ULK4: variants seen among roughly 807,000 people sequenced by gnomAD.
The protein encoded by ULK4 is unc-51 like kinase 4, also known as inactive serine/threonine-protein kinase ULK4.
A neutral mutation model predicts 160.6 loss-of-function variants in ULK4; 133 were observed. That is an observed-to-expected ratio of 0.83 (90% CI 0.72 to 0.96). The LOEUF (loss-of-function observed/expected upper bound fraction) is 0.96. ULK4 is among the 40% of genes least tolerant of loss of function. The pLI is 0.00. For missense variants in ULK4, 1,580 were observed against 1,499.5 expected (o/e 1.05, Z -0.89); for synonymous variants, 534 against 539.8 (o/e 0.99, Z 0.15).
Position 41,791,793 on chromosome 3 carries a change from A to C in ULK4, c.2011-1950T>G, listed in dbSNP as rs926625093. On this transcript the variant is annotated intron_variant, in intron 20 of 36. Coordinates refer to ENST00000301831, the MANE Select transcript of ULK4 (RefSeq NM_017886.4). Reference sequence around the variant, plus strand: ...AAACAAGTAAATATATGCACTGAAAAAATGAGCATTTGTAGAGCACCAACT... The same window carrying C: ...AAACAAGTAAATATATGCACTGAAACAATGAGCATTTGTAGAGCACCAACT... Among the ~76,000 whole-genome samples, 4 of 152,174 alleles carry C rather than the reference A, an allele frequency of 2.6e-5. No individual in the cohort carries two copies. In the South Asian group the frequency reaches 8.3e-4, roughly 32 times the overall value.
chr3:41,455,473 A>G (rs572275895), intron 34 of ULK4, 24 bp downstream of exon 34: 1 of 1,602,254 alleles, frequency 6.2e-7, no homozygotes, highest in South Asian at 1.1e-5. Flanking sequence ...TAATGCCCCA[A>G]AAGACATACA....
intron 35 of ULK4, among the ~76,000 whole-genome samples, chr3:41,348,896 C>A (rs2080856697): frequency 6.6e-6 from 1 of 152,170 alleles, no homozygotes; most frequent in Admixed American, 6.6e-5. Flanking sequence ...ACTCAGAAAG[C>A]CCAGAGACTC....
At chr3:41,666,985 G>GA (rs958076582) in intron 29 of ULK4, among the ~76,000 whole-genome samples, 31 of 150,678 alleles carry the variant, frequency 2.1e-4, no homozygotes, top group East Asian at 3.9e-4. Context: ...TATAAAAAAA[G>GA]AAAAAAAAAT....
intron 32 of ULK4, among the ~76,000 whole-genome samples, chr3:41,541,073 C>T (rs1316236699): frequency 6.6e-6 from 1 of 152,122 alleles, no homozygotes; most frequent in Non-Finnish European, 1.5e-5. Context: ...GTTGCCATTG[C>T]TTTTGGTATT....
chr3:41,445,126 G>C (rs1448577437), intron 34 of ULK4, among the ~76,000 whole-genome samples: 1 of 152,152 alleles, frequency 6.6e-6, no homozygotes, highest in East Asian at 1.9e-4. Context: ...ATTCACAATT[G>C]CTTCAAAAAG....
chr3:41,276,935 T>C (rs1423694869), intron 35 of ULK4, among the ~76,000 whole-genome samples: 3 of 152,052 alleles, frequency 2.0e-5, no homozygotes, highest in Non-Finnish European at 4.4e-5. Flanking sequence ...ACAGGAGATA[T>C]TACAACTGAC....
intron 34 of ULK4, among the ~76,000 whole-genome samples, chr3:41,432,504 G>A (rs547253934): frequency 1.3e-5 from 2 of 152,166 alleles, no homozygotes; most frequent in African/African-American, 4.8e-5. Flanking sequence ...CTTTCCCACC[G>A]GGAAGCCACT....
intron 30 of ULK4, among the ~76,000 whole-genome samples, chr3:41,647,695 C>T (rs556702789): frequency 2.0e-4 from 31 of 152,360 alleles, no homozygotes; most frequent in Non-Finnish European, 3.7e-4. Context: ...TCTCCAGCTG[C>T]ATGCTGGAAG....
chr3:41,589,109 A>G (rs1267547477), intron 31 of ULK4, among the ~76,000 whole-genome samples: 2 of 115,770 alleles, frequency 1.7e-5, no homozygotes, highest in Non-Finnish European at 3.5e-5. Context: ...CTAGAAAATT[A>G]GACAAATATT....
At chr3:41,531,151 A>T (rs1046606258) in intron 32 of ULK4, among the ~76,000 whole-genome samples, 2 of 148,922 alleles carry the variant, frequency 1.3e-5, no homozygotes, top group Non-Finnish European at 3.0e-5. Flanking sequence ...AAAGAAATAA[A>T]TATGTTTTGG....
At chr3:41,278,544 G>C (rs748684033) in intron 35 of ULK4, among the ~76,000 whole-genome samples, 4 of 152,070 alleles carry the variant, frequency 2.6e-5, no homozygotes, top group Non-Finnish European at 4.4e-5. Flanking sequence ...CTCCCAGTAG[G>C]GGCCAACAGA....
At chr3:41,486,200 A>G (rs923837207) in intron 32 of ULK4, among the ~76,000 whole-genome samples, 2 of 152,206 alleles carry the variant, frequency 1.3e-5, no homozygotes, top group South Asian at 2.1e-4. Flanking sequence ...GGGCTAAAAA[A>G]TAATTGCAGT....
intron 34 of ULK4, among the ~76,000 whole-genome samples, chr3:41,433,374 G>A (rs1278811030): frequency 6.6e-6 from 1 of 152,196 alleles, no homozygotes; most frequent in South Asian, 2.1e-4. Context: ...ATCTTTTGAT[G>A]AGAATGAAAA....
In ULK4 at chr3:41,886,579, T is replaced by G. The variant is rs543708089; in HGVS notation, c.1578-2627A>C. On this transcript the variant is annotated intron_variant, in intron 16 of 36. Coordinates refer to ENST00000301831, the MANE Select transcript of ULK4 (RefSeq NM_017886.4). ...ACAGAAGATATAAAATGTGAATTTT[T>G]TTTTTTTTTTGAGATGGAGTCTTGC... Among the ~76,000 whole-genome samples, 9 of 152,076 alleles carry G rather than the reference T, an allele frequency of 5.9e-5. No individual in the cohort carries two copies. In the South Asian group the frequency reaches 1.9e-3, roughly 32 times the overall value.
At chr3:41,728,031 T>C (rs905067372) in intron 22 of ULK4, among the ~76,000 whole-genome samples, 1 of 152,204 alleles carries the variant, frequency 6.6e-6, no homozygotes, top group Non-Finnish European at 1.5e-5. Flanking sequence ...AGGTAAAGAC[T>C]GCCAGAATAG....
chr3:41,705,298 A>C lies in ULK4; in HGVS notation c.2642T>G (p.Ile881Ser), dbSNP rs1313490819. The C allele has an allele frequency of 5.6e-6, 9 of 1,608,892 alleles. No homozygotes were observed. Among genetic ancestry groups the C allele is most frequent in the Non-Finnish European group, 8.5e-7 (1 of 1,178,024 alleles). ...CGTTTCTCCTGAGTCTACAGATTTA[A>C]TATGACTCTGAAAAAAAATAAATTT... ...LFSYGTILSH[I>S]KSVDSGETNI... The change falls in exon 26 of 37, where the codon ATT becomes AGT. Residue 881 changes from isoleucine to serine, a missense_variant. Physicochemically the swap from Ile to Ser is moderately radical, Grantham distance 142 (BLOSUM62 -2). Coordinates refer to ENST00000301831, the MANE Select transcript of ULK4 (RefSeq NM_017886.4).
chr3:41,750,316 C>G (rs1203238736), intron 22 of ULK4, among the ~76,000 whole-genome samples: 1 of 152,118 alleles, frequency 6.6e-6, no homozygotes, highest in Admixed American at 6.5e-5. Context: ...CCTTTTAATT[C>G]TTTTATTCTC....
chr3:41,660,394 G>A (rs1422649235), intron 30 of ULK4, among the ~76,000 whole-genome samples: 2 of 152,102 alleles, frequency 1.3e-5, no homozygotes, highest in African/African-American at 2.4e-5. Flanking sequence ...GGGAAGATGA[G>A]GAAAGAACAG....
At chr3:41,407,270 T>C (rs767234295) in intron 34 of ULK4, among the ~76,000 whole-genome samples, 5 of 152,174 alleles carry the variant, frequency 3.3e-5, no homozygotes, top group Non-Finnish European at 7.4e-5. Context: ...TGGTGAATTC[T>C]ACCAAACATT....
Sources: allele counts gnomAD v4.1 joint callset (sites outside exome capture counted in the v4.1 genomes callset), GRCh38; gene constraint gnomAD v4.1.1; transcripts MANE v1.5; gene names NCBI Gene and HGNC (gene_info 2026-07-23, HGNC 2026-07-21).